The following SHISA5 variants were observed in gnomAD, a reference collection of about 807,000 sequenced individuals.
SHISA5 encodes the protein protein shisa-5.
A neutral mutation model predicts 27.5 loss-of-function variants in SHISA5; 21 were observed. The ratio of observed to expected loss-of-function variants is 0.76; its 90% CI spans 0.54 to 1.10. The LOEUF is 1.10. Ranked by LOEUF, SHISA5 falls within the 50% of genes least tolerant of loss-of-function variation. SHISA5 has a pLI of 0.00. For synonymous variants in SHISA5, 137 were observed against 142.2 expected (o/e 0.96, Z 0.26); for missense variants, 314 against 336.3 (o/e 0.93, Z 0.52).
chr3:48,487,682 G>T (rs1164045861), intron 2 of SHISA5, among the ~76,000 whole-genome samples: 1 of 152,122 alleles, frequency 6.6e-6, no homozygotes, highest in Non-Finnish European at 1.5e-5. Flanking sequence ...ATCACCTGAG[G>T]TAAGGAGTTC....
Position 48,467,947 on chromosome 3 carries a change from G to GA in SHISA5, c.*1159dup. 1 of 306,224 alleles carries GA rather than the reference G, an allele frequency of 3.3e-6. No individual in the cohort carries two copies. Among genetic ancestry groups the GA allele is most frequent in the Admixed American group, 4.8e-5 (1 of 20,876 alleles). 19.0% of individuals were successfully genotyped at this position (306,224 alleles called of 1,614,324 possible). ...CAGAAACACAACAGATTTGAGCTAA[G>GA]ACAGCTCTGGTGAAACAGTAATAGA... On this transcript the variant is annotated 3_prime_UTR_variant, in exon 6 of 6. Transcript: ENST00000296444.
chr3:48,485,542 T>A (rs1175964513), intron 2 of SHISA5, among the ~76,000 whole-genome samples: 3 of 138,420 alleles, frequency 2.2e-5, no homozygotes, highest in East Asian at 2.0e-4. Context: ...ATATATATAT[T>A]ATATATATAA....
intron 2 of SHISA5, among the ~76,000 whole-genome samples, chr3:48,481,681 G>A (rs2041022351): frequency 6.6e-6 from 1 of 151,870 alleles, no homozygotes; most frequent in South Asian, 2.1e-4. Flanking sequence ...CCGCTACTCG[G>A]GAGGCTGAGG....
intron 1 of SHISA5, chr3:48,502,960 T>G: frequency 4.3e-6 from 2 of 470,196 alleles, no homozygotes; most frequent in South Asian, 3.6e-5. Context: ...AGTGACCTCC[T>G]TGGGAAGAGG....
At chr3:48,489,663 T>C (rs1482321942) in intron 2 of SHISA5, among the ~76,000 whole-genome samples, 1 of 136,258 alleles carries the variant, frequency 7.3e-6, no homozygotes, top group Non-Finnish European at 1.5e-5. Context: ...GGTCTCACTC[T>C]GCCACCCAAG....
chr3:48,479,281 T>A (rs768514035), intron 2 of SHISA5, 24 bp from the exon 3 acceptor site: 56 of 1,593,034 alleles, frequency 3.5e-5, no homozygotes, highest in Non-Finnish European at 4.4e-5. Context: ...ACCTTGTGAT[T>A]AGCACAATGA....
At chr3:48,481,141 G>T (rs1280335968) in intron 2 of SHISA5, among the ~76,000 whole-genome samples, 1 of 151,534 alleles carries the variant, frequency 6.6e-6, no homozygotes, top group Non-Finnish European at 1.5e-5. Context: ...TAAATAAGAT[G>T]ATATTAAACT....
intron 1 of SHISA5, 111 bp from the exon 2 acceptor site, chr3:48,501,404 C>T (rs1310645222): frequency 3.7e-5 from 46 of 1,246,412 alleles, no homozygotes; most frequent in Non-Finnish European, 5.1e-5. Context: ...CATGCTGCAC[C>T]GTCTCTGAGC....
rs2040481126 is a variant in SHISA5, at chr3:48,469,090, G to C, written c.*17C>G. 5 of 1,612,626 alleles carry C rather than the reference G, an allele frequency of 3.1e-6. No homozygotes were observed. The highest frequency in any genetic ancestry group is 1.3e-5 in the African/African-American group (1 of 74,912). On this transcript the variant is annotated 3_prime_UTR_variant, in exon 6 of 6. Coordinates refer to ENST00000296444, the MANE Select transcript of SHISA5 (RefSeq NM_016479.6). The surrounding 1 kb of genome is among the most constrained non-coding windows in gnomAD (Gnocchi z 4.6). ...ACACAACATAACCAAGTGGCAGCCA[G>C]AGAGGCCAGGGAATGCTCAGAGGGC... is the stretch of plus-strand genomic sequence containing the variant.
chr3:48,468,387 A>C lies in SHISA5; in HGVS notation c.*720T>G. On this transcript the variant is annotated 3_prime_UTR_variant, in exon 6 of 6. Transcript: ENST00000296444. ...CTGGGGGCAGCTAGGCTGTGTGTGC[A>C]TGTGGCCCTCCAGCTGGTCCCAGGG... 2 of 1,095,454 alleles carry C rather than the reference A, an allele frequency of 1.8e-6. No homozygotes were observed. Among genetic ancestry groups the C allele is most frequent in the South Asian group, 4.9e-5 (2 of 40,462 alleles). The allele number at this position is 1,095,454 out of a possible 1,614,324, so 67.9% of individuals were successfully genotyped here.
Position 48,471,567 on chromosome 3 carries a change from A to C in SHISA5, c.315-1724T>G, listed in dbSNP as rs2040621291. Among the ~76,000 whole-genome samples the C allele has an allele frequency of 2.8e-5, 3 of 107,304 alleles. No homozygotes were observed. The Admixed American group carries it at 3.2e-4, about 11-fold the overall frequency. The allele number at this position is 107,304 out of a possible 152,430, so 70.4% of individuals were successfully genotyped here. A position where few individuals can be genotyped will look rare whatever the true frequency, so the allele number is the denominator to read the frequency against. ...GAGACTCTGTCTCAAAAAAAAAAAA[A>C]AAAAAAAAAAAGTCAGCCTTACATT... On this transcript the variant is annotated intron_variant, in intron 3 of 5. Transcript: ENST00000296444.
At chr3:48,484,137 G>A (rs1409092419) in intron 2 of SHISA5, among the ~76,000 whole-genome samples, 1 of 152,242 alleles carries the variant, frequency 6.6e-6, no homozygotes, top group African/African-American at 2.4e-5. Flanking sequence ...GTAACGGGAA[G>A]TGGGTGATGG....
rs572390050 is a variant in SHISA5, at chr3:48,471,529, TG to T, written c.315-1687del. ...AAGATCGCACCACTGCACTCCAGCC[TG>T]GGGGACAGAGTGAGACTCTGTCTCA... is the stretch of plus-strand genomic sequence containing the variant. On this transcript the variant is annotated intron_variant, in intron 3 of 5. Coordinates refer to ENST00000296444, the MANE Select transcript of SHISA5 (RefSeq NM_016479.6). Among the ~76,000 whole-genome samples the T allele has an allele frequency of 3.1e-4, 35 of 113,042 alleles. No homozygotes were observed. In the South Asian group the frequency reaches 0.01, roughly 33 times the overall value. 74.2% of individuals were successfully genotyped at this position (113,042 alleles called of 152,430 possible).
chr3:48,477,497 G>C (rs115098803), intron 3 of SHISA5, among the ~76,000 whole-genome samples: 1 of 152,096 alleles, frequency 6.6e-6, no homozygotes, highest in Non-Finnish European at 1.5e-5. Context: ...CTGAACTCCC[G>C]GCCTACAGCG....
chr3:48,475,516 A>C (rs1266023822), intron 3 of SHISA5, among the ~76,000 whole-genome samples: 1 of 152,048 alleles, frequency 6.6e-6, no homozygotes, highest in East Asian at 1.9e-4. Flanking sequence ...CCGCACCCCC[A>C]CCCTGGTGTC....
chr3:48,477,901 G>A (rs922976666), intron 3 of SHISA5, among the ~76,000 whole-genome samples: 9 of 152,186 alleles, frequency 5.9e-5, no homozygotes, highest in Admixed American at 3.3e-4. Context: ...CCAGGAAGCC[G>A]CCTGAGGCCA....
chr3:48,483,155 A>G (rs2041079511), intron 2 of SHISA5, among the ~76,000 whole-genome samples: 1 of 151,294 alleles, frequency 6.6e-6, no homozygotes, highest in African/African-American at 2.4e-5. Context: ...TGGCAGAGTC[A>G]TAGGACAATA....
Position 48,473,462 on chromosome 3 carries a change from AG to A in SHISA5, c.315-3620del. 2 of 1,294,346 alleles carry A rather than the reference AG, an allele frequency of 1.5e-6. No homozygotes were observed. The highest frequency in any genetic ancestry group is 2.0e-6 in the Non-Finnish European group (2 of 992,350). 80.2% of individuals were successfully genotyped at this position (1,294,346 alleles called of 1,614,324 possible). A position where few individuals can be genotyped will look rare whatever the true frequency, so the allele number is the denominator to read the frequency against. ...CCCTGTTCCACCAGCCTCCAGGAGG[AG>A]CTTCTGCATCCATCTAGGCCCAGAG... On this transcript the variant is annotated intron_variant, in intron 3 of 5. Coordinates refer to ENST00000296444, the MANE Select transcript of SHISA5 (RefSeq NM_016479.6). The surrounding 1 kb of genome is among the most constrained non-coding windows in gnomAD (Gnocchi z 4.3).
At position 48,471,578 on chromosome 3, in the gene SHISA5, A is replaced by AT. The variant is rs199983750; in HGVS notation, c.315-1736_315-1735insA. Reference sequence around the variant, plus strand: ...TCAAAAAAAAAAAAAAAAAAAAAAAAGTCAGCCTTACATTTTGTACTGGAT... The same window carrying AT: ...TCAAAAAAAAAAAAAAAAAAAAAAAATGTCAGCCTTACATTTTGTACTGGAT... On this transcript the variant is annotated intron_variant, in intron 3 of 5. Transcript: ENST00000296444. Among the ~76,000 whole-genome samples the AT allele has an allele frequency of 1.8e-5, 2 of 113,620 alleles. 1 individual carries two copies. The highest frequency in any genetic ancestry group is 3.4e-5 in the Non-Finnish European group (2 of 58,822). 74.5% of individuals were successfully genotyped at this position (113,620 alleles called of 152,430 possible). A position where few individuals can be genotyped will look rare whatever the true frequency, so the allele number is the denominator to read the frequency against.
Sources: allele counts gnomAD v4.1 joint callset (sites outside exome capture counted in the v4.1 genomes callset), GRCh38; gene constraint gnomAD v4.1.1; non-coding constraint Gnocchi (gnomAD v3.1); transcripts MANE v1.5; gene names NCBI Gene and HGNC (gene_info 2026-07-23, HGNC 2026-07-21).